The following NET1 variants were observed in gnomAD, a reference collection of about 807,000 sequenced individuals.
The protein encoded by NET1 is neuroepithelial cell transforming 1.
Under a neutral mutation model 61.1 loss-of-function variants are expected in NET1, and 42 were observed. The observed-to-expected ratio is 0.69, with a 90% CI of 0.54 to 0.89. NET1 has a LOEUF of 0.89. Among genes scored for constraint, NET1 ranks in the 40% least tolerant of loss-of-function variants. NET1 has a pLI of 0.00. For missense variants in NET1, 654 were observed against 747.3 expected (o/e 0.88, Z 1.46); for synonymous variants, 254 against 281.8 (o/e 0.90, Z 0.99).
Position 5,456,066 on chromosome 10 carries a change from G to A in NET1, c.1198-21G>A, listed in dbSNP as rs113756738. ...TAAAAACACAAGTTTCCTATTTAGC[G>A]TTTGTTTCCCATTTCTCCAGAAACT... On this transcript the variant is annotated intron_variant, in intron 10 of 11. Transcript: ENST00000355029. This position sits in a 1 kb window ranked among gnomAD's most constrained non-coding sequence, Gnocchi z 7.0. 66 of 1,595,478 alleles carry A rather than the reference G, an allele frequency of 4.1e-5. No individual in the cohort carries two copies. The highest frequency in any genetic ancestry group is 9.4e-5 in the African/African-American group (7 of 74,358).
At chr10:5,414,917 G>A (rs990767608) in intron 1 of NET1, among the ~76,000 whole-genome samples, 9 of 152,176 alleles carry the variant, frequency 5.9e-5, no homozygotes, top group Non-Finnish European at 1.2e-4. Context: ...TTTTGTGTGA[G>A]GTAGGAAATG....
chr10:5,433,292 C>T lies in NET1; in HGVS notation c.255+4063C>T, dbSNP rs539360340. On this transcript the variant is annotated intron_variant, in intron 3 of 11. Coordinates refer to ENST00000355029, the MANE Select transcript of NET1 (RefSeq NM_001047160.3). The stretch of plus-strand genomic sequence containing the variant: ...GGTTTCTGAAGCTCATTCTCTAGTA[C>T]AGGGGTCAGCAACCATGACCCACAA... Among the ~76,000 whole-genome samples the T allele has an allele frequency of 4.3e-4, 65 of 152,280 alleles. 1 individual carries two copies. Among genetic ancestry groups the T allele is most frequent in the African/African-American group, 1.5e-3 (62 of 41,554 alleles).
chr10:5,451,503 C>CTT lies in NET1; in HGVS notation c.256-320_256-319dup, dbSNP rs67989874. Among the ~76,000 whole-genome samples the CTT allele has an allele frequency of 0.18, 23,458 of 131,284 alleles. 1,970 individuals are homozygous for CTT. Among genetic ancestry groups the CTT allele is most frequent in the Non-Finnish European group, 0.2 (11,593 of 57,498 alleles). The allele number at this position is 131,284 out of a possible 152,430, so 86.1% of individuals were successfully genotyped here. On this transcript the variant is annotated intron_variant, in intron 3 of 11. Coordinates refer to ENST00000355029, the MANE Select transcript of NET1 (RefSeq NM_001047160.3). The surrounding 1 kb of genome is among the most constrained non-coding windows in gnomAD (Gnocchi z 6.1). ...TTCGAAAATTTTCATAACAATAAGGCTTTTTTTTAAAAAAAAAAAAAGTTA... is the reference window on the plus strand; with the variant it reads ...TTCGAAAATTTTCATAACAATAAGGCTTTTTTTTTTAAAAAAAAAAAAAGTTA...
intron 2 of NET1, 146 bp from the exon 3 acceptor site, chr10:5,429,024 G>A (rs1832306034): frequency 1.6e-5 from 8 of 505,100 alleles, no homozygotes; most frequent in East Asian, 6.7e-5. Context: ...GTGAGCCACC[G>A]CGCCTGGCCT....
Position 5,456,361 on chromosome 10 carries a change from A to ACC in NET1, c.1384+88_1384+89insCC. 7.8e-7 allele frequency: 1 copy of ACC among 1,285,396 alleles called. No homozygotes were observed. The highest frequency in any genetic ancestry group is 1.5e-5 in the South Asian group (1 of 64,628). 79.6% of individuals were successfully genotyped at this position (1,285,396 alleles called of 1,614,324 possible). On this transcript the variant is annotated intron_variant, in intron 11 of 11. Coordinates refer to ENST00000355029, the MANE Select transcript of NET1 (RefSeq NM_001047160.3). This position sits in a 1 kb window ranked among gnomAD's most constrained non-coding sequence, Gnocchi z 7.0. ...TTGCCTTTAAGAATTCTAGAGATGAAATGGCTCCATTGTCCTATACTTGTT... is the reference window on the plus strand; with the variant it reads ...TTGCCTTTAAGAATTCTAGAGATGAACCATGGCTCCATTGTCCTATACTTGTT...
chr10:5,455,072 G>C lies in NET1; in HGVS notation c.1151G>C (p.Ser384Thr), dbSNP rs1832775144. Residue 384 changes from serine to threonine, a missense_variant, in exon 10 of 12, where the codon AGC (serine) becomes ACC (threonine). Ser to Thr is a moderately conservative substitution (Grantham distance 58). Transcript: ENST00000355029. The surrounding 1 kb of genome is among the most constrained non-coding windows in gnomAD (Gnocchi z 6.5). ...CAGAGGGACCCCAGAATCGAAGCGA[G>C]CAAAGTGCTGCTGTGCCATGGGGAG... ...EKQRDPRIEASKVLLCHGELR... is the reference protein window; with the variant it reads ...EKQRDPRIEATKVLLCHGELR... 2 of 1,614,002 alleles carry C rather than the reference G, an allele frequency of 1.2e-6. No homozygotes were observed. Among genetic ancestry groups the C allele is most frequent in the East Asian group, 4.5e-5 (2 of 44,888 alleles).
rs1013737963 is a variant in NET1, at chr10:5,439,405, A to G, written c.255+10176A>G. Among the ~76,000 whole-genome samples, 1 of 152,216 alleles carries G rather than the reference A, an allele frequency of 6.6e-6. No individual in the cohort carries two copies. Among genetic ancestry groups the G allele is most frequent in the East Asian group, 1.9e-4 (1 of 5,198 alleles). On this transcript the variant is annotated intron_variant, in intron 3 of 11. Coordinates refer to ENST00000355029, the MANE Select transcript of NET1 (RefSeq NM_001047160.3). The surrounding 1 kb of genome is among the most constrained non-coding windows in gnomAD (Gnocchi z 4.8). The stretch of plus-strand genomic sequence containing the variant: ...GATGAAGAGTTGAAAGAGAAGTACC[A>G]GTGTAATGTACTAGGTTACATGGCA...
chr10:5,430,198 T>C (rs895476026), intron 3 of NET1, among the ~76,000 whole-genome samples: 1 of 152,224 alleles, frequency 6.6e-6, no homozygotes, highest in African/African-American at 2.4e-5. Flanking sequence ...TTTTTAGGTA[T>C]GTTTCAAATC....
In NET1 at chr10:5,457,096, G is replaced by C; in HGVS notation, c.*102G>C. On this transcript the variant is annotated 3_prime_UTR_variant, in exon 12 of 12. Transcript: ENST00000355029. This position sits in a 1 kb window ranked among gnomAD's most constrained non-coding sequence, Gnocchi z 5.4. ...AGCATCATAGGGTTACTTTATACCA[G>C]TTGTAACATTTTCATTGTTTTTGGT... The C allele has an allele frequency of 8.8e-7, 1 of 1,134,280 alleles. No homozygotes were observed. Among genetic ancestry groups the C allele is most frequent in the Non-Finnish European group, 1.2e-6 (1 of 843,604 alleles). 70.3% of individuals were successfully genotyped at this position (1,134,280 alleles called of 1,614,324 possible).
Position 5,426,575 on chromosome 10 carries a change from A to C in NET1, c.129-80A>C. ...TTTAAACGGTTTTGAAAGTATGAAA[A>C]GTATAGCTTTTTATCTGTTTGATGC... On this transcript the variant is annotated intron_variant, in intron 1 of 11. Coordinates refer to ENST00000355029, the MANE Select transcript of NET1 (RefSeq NM_001047160.3). The surrounding 1 kb of genome is among the most constrained non-coding windows in gnomAD (Gnocchi z 4.6). 8.9e-7 allele frequency: 1 copy of C among 1,124,838 alleles called. No homozygotes were observed. The highest frequency in any genetic ancestry group is 1.6e-5 in the African/African-American group (1 of 63,332). 69.7% of individuals were successfully genotyped at this position (1,124,838 alleles called of 1,614,324 possible).
rs530221258 is a variant in NET1 at position 5,451,020 on chromosome 10, A to G, written c.256-810A>G. ...ATGAATCCCAGTGTTTATGTAGTAA[A>G]TGGAAATATTCCTAAAATCTGTTAG... is the stretch of plus-strand genomic sequence containing the variant. On this transcript the variant is annotated intron_variant, in intron 3 of 11. Coordinates refer to ENST00000355029, the MANE Select transcript of NET1 (RefSeq NM_001047160.3). This position sits in a 1 kb window ranked among gnomAD's most constrained non-coding sequence, Gnocchi z 6.1. Among the ~76,000 whole-genome samples the G allele has an allele frequency of 6.6e-6, 1 of 152,348 alleles. No individual in the cohort carries two copies. The highest frequency in any genetic ancestry group is 1.9e-4 in the East Asian group (1 of 5,190).
chr10:5,451,986 C>T lies in NET1; in HGVS notation c.363+49C>T, dbSNP rs760906476. The T allele has an allele frequency of 1.4e-6, 2 of 1,401,704 alleles. No homozygotes were observed. Among genetic ancestry groups the T allele is most frequent in the South Asian group, 1.2e-5 (1 of 84,482 alleles). The allele number at this position is 1,401,704 out of a possible 1,614,324, so 86.8% of individuals were successfully genotyped here. A position where few individuals can be genotyped will look rare whatever the true frequency, so the allele number is the denominator to read the frequency against. ...ATGTAGTCAGCGGACTTTATAGAAG[C>T]CTGGAATTTGTAGTTGTCTTTGAGC... On this transcript the variant is annotated intron_variant, in intron 4 of 11. Transcript: ENST00000355029. This position sits in a 1 kb window ranked among gnomAD's most constrained non-coding sequence, Gnocchi z 6.1.
Position 5,454,894 on chromosome 10 carries a change from C to A in NET1, c.1027-54C>A. 6.4e-7 allele frequency: 1 copy of A among 1,552,716 alleles called. No individual in the cohort carries two copies. Among genetic ancestry groups the A allele is most frequent in the Non-Finnish European group, 8.9e-7 (1 of 1,129,216 alleles). ...TATGACATTTTTGCTCTGCAGGAAGCAGAATGAGTTAATAAACTGAAGCTG... is the reference window on the plus strand; with the variant it reads ...TATGACATTTTTGCTCTGCAGGAAGAAGAATGAGTTAATAAACTGAAGCTG... On this transcript the variant is annotated intron_variant, in intron 9 of 11. Transcript: ENST00000355029. The surrounding 1 kb of genome is among the most constrained non-coding windows in gnomAD (Gnocchi z 8.1).
rs1204084844 is a variant in NET1 at position 5,415,036 on chromosome 10, G to A, written c.128+2216G>A. Among the ~76,000 whole-genome samples the A allele has an allele frequency of 1.3e-5, 2 of 152,066 alleles. No individual in the cohort carries two copies. The highest frequency in any genetic ancestry group is 4.8e-5 in the African/African-American group (2 of 41,402). On this transcript the variant is annotated intron_variant, in intron 1 of 11. Transcript: ENST00000355029. This position sits in a 1 kb window ranked among gnomAD's most constrained non-coding sequence, Gnocchi z 4.7. Reference sequence around the variant, plus strand: ...AATTAAATAACATATTCCTTTTCCAGAAAAGATGTAAGATCATCTACAAGA... The same window carrying A: ...AATTAAATAACATATTCCTTTTCCAAAAAAGATGTAAGATCATCTACAAGA...
rs1013008822 is a variant in NET1 at position 5,453,030 on chromosome 10, C to A, written c.594+110C>A. 2 of 815,132 alleles carry A rather than the reference C, an allele frequency of 2.5e-6. No individual in the cohort carries two copies. The highest frequency in any genetic ancestry group is 4.4e-5 in the Admixed American group (2 of 45,334). 50.5% of individuals were successfully genotyped at this position (815,132 alleles called of 1,614,324 possible). ...GAAGTAGAAGAATAGAAAATATCTA[C>A]TGGTGAATACATTTTTTTTAGGTGA... On this transcript the variant is annotated intron_variant, in intron 6 of 11. Coordinates refer to ENST00000355029, the MANE Select transcript of NET1 (RefSeq NM_001047160.3). This position sits in a 1 kb window ranked among gnomAD's most constrained non-coding sequence, Gnocchi z 4.9.
chr10:5,432,753 T>A (rs1832369888), intron 3 of NET1, among the ~76,000 whole-genome samples: 1 of 145,090 alleles, frequency 6.9e-6, no homozygotes. Flanking sequence ...CTTCCACTTT[T>A]AAAATATATA....
Position 5,451,729 on chromosome 10 carries a change from T to C in NET1, c.256-101T>C, listed in dbSNP as rs1832707609. ...ACTTTCATGTTTCTGTATTTTATAATGTACAAAAATTGTTTTGTGAGAGGG... is the reference window on the plus strand; with the variant it reads ...ACTTTCATGTTTCTGTATTTTATAACGTACAAAAATTGTTTTGTGAGAGGG... On this transcript the variant is annotated intron_variant, in intron 3 of 11. Transcript: ENST00000355029. The surrounding 1 kb of genome is among the most constrained non-coding windows in gnomAD (Gnocchi z 6.1). 1.4e-6 allele frequency: 1 copy of C among 736,844 alleles called. No individual in the cohort carries two copies. Among genetic ancestry groups the C allele is most frequent in the Admixed American group, 2.4e-5 (1 of 42,218 alleles). The allele number at this position is 736,844 out of a possible 1,614,324, so 45.6% of individuals were successfully genotyped here.
At position 5,447,782 on chromosome 10, in the gene NET1, G is replaced by A. The variant is rs1412336186; in HGVS notation, c.256-4048G>A. On this transcript the variant is annotated intron_variant, in intron 3 of 11. Transcript: ENST00000355029. The surrounding 1 kb of genome is among the most constrained non-coding windows in gnomAD (Gnocchi z 4.1). ...GGTTTGGCTTTGGTTTTTGTTCTTGGTTTTGGTCTTTGCCTATGTGTCGGT... is the reference window on the plus strand; with the variant it reads ...GGTTTGGCTTTGGTTTTTGTTCTTGATTTTGGTCTTTGCCTATGTGTCGGT... Among the ~76,000 whole-genome samples the A allele has an allele frequency of 5.3e-5, 8 of 152,156 alleles. No homozygotes were observed. The highest frequency in any genetic ancestry group is 1.2e-4 in the Non-Finnish European group (8 of 68,022).
chr10:5,429,322 G>GT (rs1832311427), intron 3 of NET1, 93 bp downstream of exon 3: 1 of 854,708 alleles, frequency 1.2e-6, no homozygotes, highest in Non-Finnish European at 1.8e-6. Flanking sequence ...GCTGGTTTGG[G>GT]TTTTTTTGTT....
Sources: gnomAD v4.1 joint callset for allele counts (sites outside exome capture counted in the v4.1 genomes callset) on GRCh38, gnomAD v4.1.1 for gene constraint, Gnocchi (gnomAD v3.1) non-coding constraint, MANE v1.5 for transcripts, NCBI Gene and HGNC (gene_info 2026-07-23, HGNC 2026-07-21) for gene names.